The following TMEM9 variants were observed in gnomAD, a reference collection of about 807,000 sequenced individuals.
The protein encoded by TMEM9 is transmembrane protein 9.
TMEM9 carries 13 observed loss-of-function variants against 22.8 expected under a neutral mutation model. That is an observed-to-expected ratio of 0.57 (90% CI 0.37 to 0.91). The LOEUF (loss-of-function observed/expected upper bound fraction) is 0.91, where lower values mean the gene tolerates loss of function less well. Among genes scored for constraint, TMEM9 ranks in the 40% least tolerant of loss-of-function variants. TMEM9 has a pLI of 0.01. For missense variants in TMEM9, 182 were observed against 238.1 expected (o/e 0.76, Z 1.55); for synonymous variants, 88 against 93.0 (o/e 0.95, Z 0.31).
intron 1 of TMEM9, among the ~76,000 whole-genome samples, chr1:201,160,106 G>A (rs1665904174): frequency 6.6e-6 from 1 of 152,222 alleles, no homozygotes; most frequent in African/African-American, 2.4e-5. Flanking sequence ...TCAGCTCGCA[G>A]TAGTGAGTAG....
rs57281429 is a variant in TMEM9, at chr1:201,165,150, T to TTATATATA, written c.-37+6332_-37+6339dup. Among the ~76,000 whole-genome samples the TTATATATA allele has an allele frequency of 5.5e-3, 479 of 87,056 alleles. 12 individuals carry two copies. The highest frequency in any genetic ancestry group is 0.015 in the African/African-American group (427 of 28,526). The allele number at this position is 87,056 out of a possible 152,430, so 57.1% of individuals were successfully genotyped here. On this transcript the variant is annotated intron_variant, in intron 1 of 5. Coordinates refer to the TMEM9 transcript ENST00000367333. ...CATTTTATCACTTTTTAAGAGAAAA[T>TTATATATA]TATATATATATATATATATATATAT...
At chr1:201,136,940 C>T (rs968608482) in intron 4 of TMEM9, among the ~76,000 whole-genome samples, 4 of 152,220 alleles carry the variant, frequency 2.6e-5, no homozygotes, top group South Asian at 2.1e-4. Flanking sequence ...TACGCTGGGG[C>T]GAAGGGGGGT....
At chr1:201,169,579 C>A (rs1666164736) in intron 1 of TMEM9, among the ~76,000 whole-genome samples, 1 of 152,066 alleles carries the variant, frequency 6.6e-6, no homozygotes, top group South Asian at 2.1e-4. Context: ...GGAACATTGT[C>A]CTGGGAAAGA....
chr1:201,163,315 C>A (rs904477861), intron 1 of TMEM9, among the ~76,000 whole-genome samples: 2 of 150,564 alleles, frequency 1.3e-5, no homozygotes, highest in East Asian at 2.0e-4. Context: ...CAAGGCCGGG[C>A]GCGGTGGCTC....
intron 1 of TMEM9, among the ~76,000 whole-genome samples, chr1:201,164,108 G>C (rs1666014231): frequency 6.6e-6 from 1 of 152,186 alleles, no homozygotes; most frequent in Non-Finnish European, 1.5e-5. Flanking sequence ...AATCTTCAGA[G>C]AATTATGTTG....
intron 4 of TMEM9, 114 bp downstream of exon 4, chr1:201,143,706 C>T (rs1162488949): frequency 3.8e-6 from 4 of 1,066,472 alleles, no homozygotes; most frequent in African/African-American, 3.1e-5. Flanking sequence ...ACCAGAAGAG[C>T]AACTTGAAGC....
rs959661748 is a variant in TMEM9, at chr1:201,142,250, A to G, written c.399+1570T>C. Reference sequence around the variant, plus strand: ...GCATGTGCGCAGGGTGGGGCAACACAGCCCTCGAGAGCAGCCAGGCTCCCT... The same window carrying G: ...GCATGTGCGCAGGGTGGGGCAACACGGCCCTCGAGAGCAGCCAGGCTCCCT... On this transcript the variant is annotated intron_variant, in intron 4 of 4. Transcript: ENST00000367330. 3.5e-4 allele frequency among the ~76,000 whole-genome samples: 54 copies of G among 152,208 alleles called. 1 individual carries two copies. The highest frequency in any genetic ancestry group is 1.8e-3 in the Admixed American group (28 of 15,280).
At chr1:201,137,831 G>A (rs542035904) in intron 4 of TMEM9, among the ~76,000 whole-genome samples, 2 of 152,324 alleles carry the variant, frequency 1.3e-5, no homozygotes, top group East Asian at 3.9e-4. Context: ...TAAGGCTGGC[G>A]GCTGGCTGCC....
chr1:201,157,237 G>A (rs542404128), upstream of TMEM9, among the ~76,000 whole-genome samples: 17 of 152,304 alleles, frequency 1.1e-4, no homozygotes, highest in Non-Finnish European at 2.2e-4. Flanking sequence ...TCTGCATAGG[G>A]CACAAATCTC....
intron 2 of TMEM9, among the ~76,000 whole-genome samples, chr1:201,150,246 G>C (rs980635996): frequency 6.6e-6 from 1 of 152,304 alleles, no homozygotes; most frequent in Admixed American, 6.5e-5. Flanking sequence ...AGATACAAGG[G>C]GGTTACTTGG....
chr1:201,143,140 C>G (rs1307868338), intron 4 of TMEM9, among the ~76,000 whole-genome samples: 3 of 152,366 alleles, frequency 2.0e-5, no homozygotes, highest in East Asian at 3.9e-4. Context: ...GCCTTGCAGG[C>G]TGTCTGGGGT....
intron 4 of TMEM9, among the ~76,000 whole-genome samples, chr1:201,139,559 C>T (rs1664324050): frequency 1.3e-5 from 2 of 152,094 alleles, no homozygotes; most frequent in African/African-American, 4.8e-5. Flanking sequence ...TTCAAGGGCA[C>T]TCCCAGCCTC....
chr1:201,153,203 A>G (rs1355768226), intron 1 of TMEM9, among the ~76,000 whole-genome samples: 1 of 152,212 alleles, frequency 6.6e-6, no homozygotes, highest in Non-Finnish European at 1.5e-5. Flanking sequence ...ATAGTACATC[A>G]TATTTTTTTA....
chr1:201,148,695 T>G (rs892937953), intron 2 of TMEM9, among the ~76,000 whole-genome samples: 1 of 152,190 alleles, frequency 6.6e-6, no homozygotes, highest in Non-Finnish European at 1.5e-5. Flanking sequence ...ATAAAGACCA[T>G]GTGTTGGATT....
At chr1:201,145,997 C>T (rs535109561) in intron 3 of TMEM9, among the ~76,000 whole-genome samples, 4 of 152,188 alleles carry the variant, frequency 2.6e-5, no homozygotes, top group Non-Finnish European at 4.4e-5. Flanking sequence ...GCTATGTAAT[C>T]AGTGAGTACT....
chr1:201,164,584 T>C (rs1263633754), intron 1 of TMEM9, among the ~76,000 whole-genome samples: 1 of 152,172 alleles, frequency 6.6e-6, no homozygotes, highest in African/African-American at 2.4e-5. Context: ...AAATAATAAA[T>C]AGTAATGCAT....
Position 201,135,372 on chromosome 1 carries a change from C to T in TMEM9, c.*291G>A, listed in dbSNP as rs1663891880. ...GAGTGGAGCCAGGAGAGACAGATCG[C>T]ATCCACTCCTGAGGCCGCCTCGAAT... is the stretch of plus-strand genomic sequence containing the variant. On this transcript the variant is annotated 3_prime_UTR_variant, in exon 5 of 5. Transcript: ENST00000367330. 1 of 270,444 alleles carries T rather than the reference C, an allele frequency of 3.7e-6. No homozygotes were observed. Among genetic ancestry groups the T allele is most frequent in the African/African-American group, 2.2e-5 (1 of 45,318 alleles). 16.8% of individuals were successfully genotyped at this position (270,444 alleles called of 1,614,324 possible). A position where few individuals can be genotyped will look rare whatever the true frequency, so the allele number is the denominator to read the frequency against.
intron 1 of TMEM9, 32 bp downstream of exon 1, chr1:201,153,826 G>A (rs372475573): frequency 5.0e-6 from 8 of 1,613,588 alleles, no homozygotes; most frequent in East Asian, 2.2e-5. Context: ...CACTGTGGTC[G>A]TGACCAGGTG....
intron 1 of TMEM9, among the ~76,000 whole-genome samples, chr1:201,161,036 T>A: frequency 6.6e-6 from 1 of 152,214 alleles, no homozygotes; most frequent in East Asian, 1.9e-4. Flanking sequence ...TTAAACATAT[T>A]TATTTGTTTT....
Sources: allele counts gnomAD v4.1 joint callset (sites outside exome capture counted in the v4.1 genomes callset), GRCh38; gene constraint gnomAD v4.1.1; transcripts MANE v1.5; gene names NCBI Gene and HGNC (gene_info 2026-07-23, HGNC 2026-07-21).